DENND2A: variants seen among roughly 807,000 people sequenced by gnomAD.
DENND2A encodes the protein DENN domain-containing protein 2A.
DENND2A carries 53 observed loss-of-function variants against 105.3 expected under a neutral mutation model. The observed-to-expected ratio is 0.50, with a 90% confidence interval of 0.40 to 0.63. The LOEUF is 0.63. Ranked by LOEUF, DENND2A falls within the 30% of genes least tolerant of loss-of-function variation. The pLI is 0.00. For missense variants in DENND2A, 1,138 were observed against 1,279.6 expected, an observed-to-expected ratio of 0.89 and a Z score of 1.69; for synonymous variants, 522 against 508.4, an observed-to-expected ratio of 1.03 and a Z score of -0.36.
At chr7:140,553,858 AGTACAGAACAAAATGGAGTCTC>A (rs1281709182) in intron 12 of DENND2A, among the ~76,000 whole-genome samples, 2 of 152,238 alleles carry the variant, frequency 1.3e-5, no homozygotes, top group African/African-American at 4.8e-5. Context: ...AATTTTTCTT[AGTACAGAACAAAATGGAGTCTC>A]CTATGTCTAC....
intron 12 of DENND2A, among the ~76,000 whole-genome samples, chr7:140,547,315 G>T (rs1796949232): frequency 6.6e-6 from 1 of 152,134 alleles, no homozygotes; most frequent in South Asian, 2.1e-4. Context: ...ATATTACAGT[G>T]GTTTGTAGCC....
At chr7:140,584,674 G>A (rs899560455) in intron 5 of DENND2A, among the ~76,000 whole-genome samples, 1 of 152,162 alleles carries the variant, frequency 6.6e-6, no homozygotes, top group Admixed American at 6.5e-5. Flanking sequence ...CCTGCCCTCT[G>A]GGCATTCAGA....
In DENND2A at chr7:140,601,923, C is replaced by T. The variant is rs573861843; in HGVS notation, c.475G>A (p.Val159Met). ...KLRFQNDPLS[V>M]LKQVKKLEQA... is the part of the protein sequence containing the mutation. Reference sequence around the variant, plus strand: ...TCGAGTTTCTTGACCTGCTTCAGCACGGAGAGGGGATCGTTCTGAAAGCGT... The same window carrying T: ...TCGAGTTTCTTGACCTGCTTCAGCATGGAGAGGGGATCGTTCTGAAAGCGT... Residue 159 changes from valine (V) to methionine (M), a missense_variant, in exon 3 of 20, where the codon GTG (valine) becomes ATG (methionine). Transcript: ENST00000496613. 5.0e-6 allele frequency: 8 copies of T among 1,614,202 alleles called. No homozygotes were observed. The highest frequency in any genetic ancestry group is 1.1e-5 in the South Asian group (1 of 91,084).
chr7:140,544,464 A>C, intron 14 of DENND2A, 154 bp downstream of exon 14: 2 of 937,134 alleles, frequency 2.1e-6, no homozygotes, highest in Non-Finnish European at 3.3e-6. Flanking sequence ...CAAAGTGCTG[A>C]GATTACAGGT....
chr7:140,628,281 C>T (rs1268084132), intron 1 of DENND2A, among the ~76,000 whole-genome samples: 2 of 152,198 alleles, frequency 1.3e-5, no homozygotes, highest in Non-Finnish European at 2.9e-5. Flanking sequence ...CTTCCCTTTG[C>T]AGCAGAAGTC....
At chr7:140,547,221 T>C (rs1796945066) in intron 12 of DENND2A, among the ~76,000 whole-genome samples, 1 of 152,214 alleles carries the variant, frequency 6.6e-6, no homozygotes, top group African/African-American at 2.4e-5. Context: ...TGTGACAGGT[T>C]GTACTAATAC....
chr7:140,525,855 A>G, intron 15 of DENND2A, 63 bp from the exon 16 acceptor site: 5 of 1,403,432 alleles, frequency 3.6e-6, no homozygotes, highest in Non-Finnish European at 4.8e-6. Flanking sequence ...GGATGGACTC[A>G]TAGCCTTCTT....
At chr7:140,553,417 G>A (rs1020804123) in intron 12 of DENND2A, among the ~76,000 whole-genome samples, 1 of 152,148 alleles carries the variant, frequency 6.6e-6, no homozygotes, top group Non-Finnish European at 1.5e-5. Context: ...GTTTTATACC[G>A]AGACATTCCA....
intron 3 of DENND2A, among the ~76,000 whole-genome samples, chr7:140,599,865 G>T (rs1488784499): frequency 6.6e-6 from 1 of 152,034 alleles, no homozygotes; most frequent in Non-Finnish European, 1.5e-5. Context: ...TGCTGAGTGG[G>T]GGGTGACAGG....
At chr7:140,585,862 G>T in intron 4 of DENND2A, 152 bp from the exon 5 acceptor site, 1 of 1,095,606 alleles carries the variant, frequency 9.1e-7, no homozygotes. Context: ...GTTGGCAGCA[G>T]TCTCTGATTT....
chr7:140,571,697 T>C lies in DENND2A; in HGVS notation c.1447-1959A>G, dbSNP rs139638321. Among the ~76,000 whole-genome samples the C allele has an allele frequency of 8.6e-4, 131 of 152,260 alleles. 3 individuals are homozygous for C. The East Asian group carries it at 0.022, about 26-fold the overall frequency. ...TACAAAATGTGGTATATACATACGA[T>C]GGAATACCATTTAGTCTTAAAAAAG... is the stretch of plus-strand genomic sequence containing the variant. On this transcript the variant is annotated intron_variant, in intron 6 of 19. Coordinates refer to ENST00000496613, the MANE Select transcript of DENND2A (RefSeq NM_015689.5).
chr7:140,626,209 A>G (rs192642414), intron 1 of DENND2A, among the ~76,000 whole-genome samples: 255 of 152,190 alleles, frequency 1.7e-3, no homozygotes, highest in Middle Eastern at 6.8e-3. Flanking sequence ...TTATGATTTT[A>G]TTTTATTCAA....
At chr7:140,626,802 G>T (rs1360568788) in intron 1 of DENND2A, among the ~76,000 whole-genome samples, 1 of 152,146 alleles carries the variant, frequency 6.6e-6, no homozygotes, top group Non-Finnish European at 1.5e-5. Flanking sequence ...CCCTTGCTTG[G>T]GGCCAGCACA....
chr7:140,550,949 G>A (rs1797107690), intron 12 of DENND2A, among the ~76,000 whole-genome samples: 1 of 152,002 alleles, frequency 6.6e-6, no homozygotes, highest in African/African-American at 2.4e-5. Flanking sequence ...AAAGAATTTT[G>A]GGGGAGACAG....
In DENND2A at chr7:140,523,504, G is replaced by T; in HGVS notation, c.2548-80C>A. 2.5e-6 allele frequency: 3 copies of T among 1,215,188 alleles called. No individual in the cohort carries two copies. The highest frequency in any genetic ancestry group is 3.6e-6 in the Non-Finnish European group (3 of 829,892). The allele number at this position is 1,215,188 out of a possible 1,614,324, so 75.3% of individuals were successfully genotyped here. On this transcript the variant is annotated intron_variant, in intron 16 of 19. Transcript: ENST00000496613. This position sits in a 1 kb window ranked among gnomAD's most constrained non-coding sequence, Gnocchi z 4.5. ...ATAGGACACACTGGAGCCACTGCAG[G>T]GCAGGCCTGGCTCAGTCTCCAGTTT...
intron 9 of DENND2A, among the ~76,000 whole-genome samples, chr7:140,561,431 G>T (rs75644999): frequency 0.027 from 4,142 of 151,410 alleles, 190 homozygotes; most frequent in African/African-American, 0.092. Context: ...AATATCTGAG[G>T]TTAGGAATTT....
At chr7:140,579,913 C>T (rs1798466908) in intron 5 of DENND2A, among the ~76,000 whole-genome samples, 3 of 152,086 alleles carry the variant, frequency 2.0e-5, no homozygotes, top group Non-Finnish European at 4.4e-5. Context: ...GGGTGGATCA[C>T]CTGAGGTCAG....
At chr7:140,627,588 C>T (rs1007748733) in intron 1 of DENND2A, among the ~76,000 whole-genome samples, 1 of 151,722 alleles carries the variant, frequency 6.6e-6, no homozygotes, top group African/African-American at 2.4e-5. Context: ...GTGGTGCAAT[C>T]ACAGTTCACT....
rs1376664332 is a variant in DENND2A, at chr7:140,601,825, A to T, written c.573T>A (p.Pro191=). ...LPGTCYSPHC[P]PDKAEAGSTL... ...TGGACCCTGCCTCTGCCTTGTCAGG[A>T]GGGCAGTGTGGGGAGTAACAAGTCC... The change falls in exon 3 of 20, where the codon CCT becomes CCA. Residue 191 remains proline (P), a synonymous_variant. Coordinates refer to ENST00000496613, the MANE Select transcript of DENND2A (RefSeq NM_015689.5). 1 of 1,614,028 alleles carries T rather than the reference A, an allele frequency of 6.2e-7. No individual in the cohort carries two copies. The highest frequency in any genetic ancestry group is 8.5e-7 in the Non-Finnish European group (1 of 1,179,974).
Sources: allele counts gnomAD v4.1 joint callset (sites outside exome capture counted in the v4.1 genomes callset), GRCh38; gene constraint gnomAD v4.1.1; non-coding constraint Gnocchi (gnomAD v3.1); transcripts MANE v1.5; gene names NCBI Gene and HGNC (gene_info 2026-07-23, HGNC 2026-07-21).